Variants in RBM17 observed in about 807,000 individuals in gnomAD.
RBM17 encodes RNA binding motif protein 17, also known as splicing factor 45.
A neutral mutation model predicts 53.2 loss-of-function variants in RBM17; 7 were observed. That is an observed-to-expected ratio of 0.13 (90% CI 0.07 to 0.25). The LOEUF is 0.25. Among genes scored for constraint, RBM17 ranks in the 10% least tolerant of loss-of-function variants. The pLI, the probability that RBM17 is intolerant of heterozygous loss-of-function variation, is 1.00. For missense variants in RBM17, 257 were observed against 496.7 expected (o/e 0.52, Z 4.59); for synonymous variants, 167 against 178.1 (o/e 0.94, Z 0.50).
In RBM17 at chr10:6,095,197, C is replaced by T. The variant is rs138100582; in HGVS notation, c.-18-1851C>T. ...TCAGGAGGAGAGTCTGTCTGCATCC[C>T]GGCATCCCTTCATTCTTTTCTTTTC... On this transcript the variant is annotated intron_variant, in intron 1 of 11. Transcript: ENST00000379888. Among the ~76,000 whole-genome samples the T allele has an allele frequency of 7.4e-4, 113 of 152,110 alleles. 1 individual carries two copies. The East Asian group carries it at 0.021, about 28-fold the overall frequency.
intron 6 of RBM17, 28 bp from the exon 7 acceptor site, chr10:6,109,958 G>C: frequency 1.3e-6 from 2 of 1,575,526 alleles, no homozygotes; most frequent in Non-Finnish European, 1.7e-6. Flanking sequence ...TAGTATTTTG[G>C]TGAGCCTACT....
chr10:6,098,247 G>A (rs1047470892), intron 2 of RBM17, among the ~76,000 whole-genome samples: 2 of 152,128 alleles, frequency 1.3e-5, no homozygotes, highest in African/African-American at 4.8e-5. Context: ...CCTTGCTCGT[G>A]TTGTGCACAG....
intron 2 of RBM17, among the ~76,000 whole-genome samples, chr10:6,099,037 C>G (rs1840628878): frequency 1.3e-5 from 2 of 151,766 alleles, no homozygotes; most frequent in Non-Finnish European, 2.9e-5. Flanking sequence ...TTTTTTAAAA[C>G]AAGGTTTCAT....
rs1840613398 is a variant in RBM17 at position 6,098,556 on chromosome 10, G to GGTTTTT, written c.123+1368_123+1369insGTTTTT. ...GTTTGAAAATTTCCGTAATACACAG[G>GGTTTTT]TTTTTTGTTTTTTTTTTTTTTTTTT... On this transcript the variant is annotated intron_variant, in intron 2 of 11. Transcript: ENST00000379888. Among the ~76,000 whole-genome samples the GGTTTTT allele has an allele frequency of 4.8e-4, 42 of 87,982 alleles. 1 individual carries two copies. The highest frequency in any genetic ancestry group is 4.3e-3 in the South Asian group (10 of 2,304). 57.7% of individuals were successfully genotyped at this position (87,982 alleles called of 152,430 possible). A position where few individuals can be genotyped will look rare whatever the true frequency, so the allele number is the denominator to read the frequency against.
intron 3 of RBM17, 63 bp from the exon 4 acceptor site, chr10:6,104,868 A>C: frequency 7.0e-7 from 1 of 1,433,826 alleles, no homozygotes; most frequent in Non-Finnish European, 9.7e-7. Flanking sequence ...CTTTGACCTG[A>C]ATCCTGTGAG....
intron 3 of RBM17, among the ~76,000 whole-genome samples, chr10:6,102,736 A>T (rs959391591): frequency 3.1e-4 from 47 of 152,154 alleles, no homozygotes; most frequent in African/African-American, 1.1e-3. Context: ...AGTATTCCCT[A>T]ACTGTAAAAC....
chr10:6,090,296 A>C (rs373035523), intron 1 of RBM17, among the ~76,000 whole-genome samples: 1 of 152,228 alleles, frequency 6.6e-6, no homozygotes, highest in Non-Finnish European at 1.5e-5. Context: ...CAGCAGATGG[A>C]GTTTTTAAAA....
intron 1 of RBM17, among the ~76,000 whole-genome samples, chr10:6,093,888 A>G (rs144235996): frequency 5.3e-5 from 8 of 152,166 alleles, no homozygotes; most frequent in Non-Finnish European, 7.4e-5. Flanking sequence ...AATATATGTC[A>G]TACTTTTAAT....
At chr10:6,096,192 A>T (rs182203012) in intron 1 of RBM17, among the ~76,000 whole-genome samples, 26 of 151,934 alleles carry the variant, frequency 1.7e-4, no homozygotes, top group African/African-American at 6.0e-4. Flanking sequence ...TTTTTTTTTA[A>T]AAAGTGGCAG....
At chr10:6,107,920 A>G (rs1170881101) in intron 5 of RBM17, among the ~76,000 whole-genome samples, 1 of 152,178 alleles carries the variant, frequency 6.6e-6, no homozygotes, top group Non-Finnish European at 1.5e-5. Context: ...ATGTATACGT[A>G]ATCCATATAT....
At chr10:6,106,481 G>T in intron 5 of RBM17, 1 of 396,480 alleles carries the variant, frequency 2.5e-6, no homozygotes, top group Non-Finnish European at 4.7e-6. Context: ...TTTGGGACTA[G>T]CTTAAAATCT....
At chr10:6,115,191 A>C (rs751938048) in intron 10 of RBM17, 48 bp from the exon 11 acceptor site, 5 of 1,441,714 alleles carry the variant, frequency 3.5e-6, no homozygotes, top group South Asian at 1.2e-5. Context: ...AAACTCATTC[A>C]ATGCAATCTC....
chr10:6,115,069 AGTAC>A, intron 10 of RBM17, 166 bp from the exon 11 acceptor site: 1 of 611,300 alleles, frequency 1.6e-6, no homozygotes, highest in Non-Finnish European at 2.8e-6. Flanking sequence ...ACAGGCATTC[AGTAC>A]GTTTTTGATG....
intron 3 of RBM17, among the ~76,000 whole-genome samples, chr10:6,104,639 T>C (rs984132911): frequency 3.3e-5 from 5 of 152,230 alleles, no homozygotes; most frequent in African/African-American, 1.2e-4. Flanking sequence ...CTCAAAGTAC[T>C]AGTAACTTAT....
At chr10:6,111,500 C>G (rs182994542) in intron 7 of RBM17, among the ~76,000 whole-genome samples, 1 of 152,160 alleles carries the variant, frequency 6.6e-6, no homozygotes, top group Admixed American at 6.5e-5. Context: ...CCATCATGCC[C>G]AGCTAATTTT....
chr10:6,106,570 A>G (rs1840751456), intron 5 of RBM17, among the ~76,000 whole-genome samples: 2 of 152,328 alleles, frequency 1.3e-5, no homozygotes, highest in African/African-American at 4.8e-5. Flanking sequence ...TTAGGGGGGA[A>G]GCATAGTTAA....
chr10:6,115,582 C>T lies in RBM17; in HGVS notation c.*26C>T. 7.3e-7 allele frequency: 1 copy of T among 1,372,272 alleles called. No individual in the cohort carries two copies. 85.0% of individuals were successfully genotyped at this position (1,372,272 alleles called of 1,614,324 possible). A position where few individuals can be genotyped will look rare whatever the true frequency, so the allele number is the denominator to read the frequency against. On this transcript the variant is annotated 3_prime_UTR_variant, in exon 12 of 12. Coordinates refer to ENST00000379888, the MANE Select transcript of RBM17 (RefSeq NM_032905.5). ...TTTTAAGAACTAGAGCACGAGTCATCTCCGGTGATCCTTAAATGAACTGCA... is the reference window on the plus strand; with the variant it reads ...TTTTAAGAACTAGAGCACGAGTCATTTCCGGTGATCCTTAAATGAACTGCA...
chr10:6,102,388 T>G (rs1840681227), intron 3 of RBM17, among the ~76,000 whole-genome samples: 1 of 152,188 alleles, frequency 6.6e-6, no homozygotes, highest in African/African-American at 2.4e-5. Flanking sequence ...TGGGCCAGTC[T>G]GTGGCTGCAG....
intron 3 of RBM17, among the ~76,000 whole-genome samples, chr10:6,102,448 G>A (rs1840682011): frequency 6.6e-6 from 1 of 152,124 alleles, no homozygotes; most frequent in African/African-American, 2.4e-5. Flanking sequence ...TGTTCCTGAG[G>A]GCTGGTAGTT....
Sources: gnomAD v4.1 joint callset for allele counts (sites outside exome capture counted in the v4.1 genomes callset) on GRCh38, gnomAD v4.1.1 for gene constraint, MANE v1.5 for transcripts, NCBI Gene and HGNC (gene_info 2026-07-23, HGNC 2026-07-21) for gene names.